Variants in NUP188 observed in about 807,000 individuals in gnomAD.
The protein encoded by NUP188 is nucleoporin 188.
A neutral mutation model predicts 223.0 loss-of-function variants in NUP188; 97 were observed. That is an observed-to-expected ratio of 0.43 (90% CI 0.37 to 0.51). The LOEUF (loss-of-function observed/expected upper bound fraction) is 0.51. Ranked by LOEUF, NUP188 falls within the 20% of genes least tolerant of loss-of-function variation. The pLI is 0.00. For missense variants in NUP188, 1,947 were observed against 2,175.6 expected (o/e 0.89, Z 2.09); for synonymous variants, 869 against 828.0 (o/e 1.05, Z -0.85).
rs778355128 is a variant in NUP188, at chr9:128,970,930, T to G, written c.1085T>G (p.Leu362Arg). 3.1e-6 allele frequency: 5 copies of G among 1,613,916 alleles called. No homozygotes were observed. The South Asian group carries it at 4.4e-5, about 14-fold the overall frequency. The change falls in exon 11 of 44, where the codon CTC becomes CGC. Residue 362 changes from leucine to arginine, a missense_variant. Transcript: ENST00000372577. ...LNVFQYLTRL[L>R]QSLASGGNDC... The stretch of plus-strand genomic sequence containing the variant: ...GTGTTTCAGTACTTGACCCGATTGC[T>G]CCAGTCCCTTGCCAGTGGGGGAAAT...
intron 6 of NUP188, 135 bp downstream of exon 6, chr9:128,958,189 C>T: frequency 1.5e-6 from 1 of 649,376 alleles, no homozygotes. Flanking sequence ...AGCATATTAA[C>T]TCATTTATGA....
intron 8 of NUP188, among the ~76,000 whole-genome samples, chr9:128,960,182 G>A (rs1444462252): frequency 6.7e-6 from 1 of 148,626 alleles, no homozygotes; most frequent in East Asian, 2.0e-4. Flanking sequence ...TCCTGCCTCA[G>A]CCTCCCGAGT....
At chr9:128,976,418 C>A (rs774125575) in intron 12 of NUP188, among the ~76,000 whole-genome samples, 32 of 152,110 alleles carry the variant, frequency 2.1e-4, no homozygotes, top group Non-Finnish European at 4.0e-4. Context: ...CTCCTGTAAT[C>A]CCAGCACTTT....
intron 30 of NUP188, among the ~76,000 whole-genome samples, chr9:128,997,887 AT>A (rs112160286): frequency 0.021 from 3,179 of 151,668 alleles, 117 homozygotes; most frequent in African/African-American, 0.073. Context: ...TGCCTGGCTA[AT>A]TTTTGTATTT....
chr9:128,961,589 T>TAGATAGATAGATAG (rs1455020145), intron 8 of NUP188, among the ~76,000 whole-genome samples: 71 of 118,956 alleles, frequency 6.0e-4, no homozygotes, highest in African/African-American at 3.0e-3. Context: ...TATCTATCTA[T>TAGATAGATAGATAG]CTAGATAGAT....
rs758565294 is a variant in NUP188, at chr9:128,973,176, C to T, written c.1130C>T (p.Ala377Val). The change falls in exon 12 of 44, where the codon GCA becomes GTA. Residue 377 changes from alanine to valine, a missense_variant. Coordinates refer to ENST00000372577, the MANE Select transcript of NUP188 (RefSeq NM_015354.3). Reference protein sequence around the residue: ...SGGNDCTTSTACMCVYGLLSF... With the variant: ...SGGNDCTTSTVCMCVYGLLSF... ...TCATTCCAGTGCACCACCAGCACTG[C>T]ATGCATGTGTGTCTATGGACTGCTC... 10 of 1,612,750 alleles carry T rather than the reference C, an allele frequency of 6.2e-6. No homozygotes were observed. The Admixed American group carries it at 1.3e-4, about 22-fold the overall frequency.
chr9:128,959,142 GT>G lies in NUP188; in HGVS notation c.585+10del. 6.3e-7 allele frequency: 1 copy of G among 1,575,560 alleles called. No homozygotes were observed. Among genetic ancestry groups the G allele is most frequent in the Non-Finnish European group, 8.6e-7 (1 of 1,163,170 alleles). On this transcript the variant is annotated intron_variant, in intron 8 of 43. Coordinates refer to ENST00000372577, the MANE Select transcript of NUP188 (RefSeq NM_015354.3). Reference sequence around the variant, plus strand: ...ACACATGGAAATCTCATGGTATGTGGTTACTGTGCTCTCCTGTAACTTTTTT... The same window carrying G: ...ACACATGGAAATCTCATGGTATGTGGTACTGTGCTCTCCTGTAACTTTTTT...
chr9:129,003,046 G>T lies in NUP188; in HGVS notation c.4296+71G>T, dbSNP rs902987234. The T allele has an allele frequency of 2.6e-6, 4 of 1,539,636 alleles. No individual in the cohort carries two copies. In the African/African-American group the frequency reaches 4.1e-5, roughly 16 times the overall value. On this transcript the variant is annotated intron_variant, in intron 37 of 43. Coordinates refer to ENST00000372577, the MANE Select transcript of NUP188 (RefSeq NM_015354.3). ...AAGGTACTGGGCCATTCATGGGGCA[G>T]GTGGGTGTGGAGCCTGGGCCTCAGT...
rs766007889 is a variant in NUP188, at chr9:128,987,671, A to T, written c.2347A>T (p.Ile783Phe). ...ACAGACAGTTATCAATATCATGGGC[A>T]TTGGCGTGGACACCATTGACATGGT... ...AGQTVINIMG[I>F]GVDTIDMVMA... Residue 783 changes from isoleucine to phenylalanine, a missense_variant, in exon 23 of 44, where the codon ATT (isoleucine) becomes TTT (phenylalanine). Physicochemically the swap from Ile to Phe is conservative, Grantham distance 21. This residue lies in a region of NUP188 where 225 missense variants were observed against 319.1 expected (regional missense o/e 0.71). Transcript: ENST00000372577. 2 of 1,613,958 alleles carry T rather than the reference A, an allele frequency of 1.2e-6. No homozygotes were observed. Among genetic ancestry groups the T allele is most frequent in the Non-Finnish European group, 1.7e-6 (2 of 1,179,990 alleles).
chr9:128,955,094 G>A (rs537461318), intron 3 of NUP188, among the ~76,000 whole-genome samples: 19 of 151,502 alleles, frequency 1.3e-4, no homozygotes, highest in Admixed American at 7.9e-4. Flanking sequence ...CAGGTGATCC[G>A]CCCGCCTCAG....
At chr9:129,003,604 T>A in intron 38 of NUP188, 150 bp downstream of exon 38, 1 of 906,774 alleles carries the variant, frequency 1.1e-6, no homozygotes, top group Non-Finnish European at 1.8e-6. Flanking sequence ...TGTCATGTGC[T>A]TACTCTGGCT....
intron 17 of NUP188, 83 bp downstream of exon 17, chr9:128,983,111 AC>A (rs1842280887): frequency 1.3e-6 from 2 of 1,563,032 alleles, no homozygotes; most frequent in South Asian, 1.1e-5. Context: ...CTGGACACAT[AC>A]CCACTGGGTT....
intron 2 of NUP188, among the ~76,000 whole-genome samples, chr9:128,950,695 A>G (rs1383933386): frequency 1.3e-5 from 2 of 152,138 alleles, no homozygotes; most frequent in Non-Finnish European, 2.9e-5. Flanking sequence ...TTTTTAAAAA[A>G]TTAGCCAGGC....
intron 8 of NUP188, among the ~76,000 whole-genome samples, chr9:128,959,433 C>T (rs568882179): frequency 1.3e-5 from 2 of 151,844 alleles, no homozygotes; most frequent in Non-Finnish European, 2.9e-5. Context: ...TGAGCGACTA[C>T]ACCTGGCCTA....
At chr9:128,960,853 G>C (rs1367142166) in intron 8 of NUP188, among the ~76,000 whole-genome samples, 2 of 152,142 alleles carry the variant, frequency 1.3e-5, no homozygotes, top group Non-Finnish European at 2.9e-5. Context: ...GGGAGGCCAA[G>C]GTGGGCGGAT....
rs572116538 is a variant in NUP188, at chr9:129,002,798, T to C, written c.4138-19T>C. 3.9e-5 allele frequency: 63 copies of C among 1,611,846 alleles called. No homozygotes were observed. The highest frequency in any genetic ancestry group is 1.2e-4 in the Admixed American group (7 of 59,744). The stretch of plus-strand genomic sequence containing the variant: ...CCTCTCAGCAGGGTTCCTGAGCTTG[T>C]CTGCTGTTTGTATCTTAGACACCTA... On this transcript the variant is annotated intron_variant, in intron 36 of 43. Transcript: ENST00000372577.
At position 128,960,596 on chromosome 9, in the gene NUP188, T is replaced by C. The variant is rs1439725298; in HGVS notation, c.585+1462T>C. On this transcript the variant is annotated intron_variant, in intron 8 of 43. Coordinates refer to ENST00000372577, the MANE Select transcript of NUP188 (RefSeq NM_015354.3). The stretch of plus-strand genomic sequence containing the variant: ...AGCATAAAATTCCCAGGAATAAGTT[T>C]AGGACAATATAAAATTTAAGTGAAG... Among the ~76,000 whole-genome samples the C allele has an allele frequency of 2.6e-5, 4 of 152,256 alleles. No homozygotes were observed. The East Asian group carries it at 7.7e-4, about 29-fold the overall frequency.
intron 8 of NUP188, among the ~76,000 whole-genome samples, chr9:128,961,107 T>TA (rs1422922061): frequency 2.3e-5 from 2 of 88,010 alleles, no homozygotes; most frequent in Non-Finnish European, 4.8e-5. Flanking sequence ...AAAAAAACCA[T>TA]AAAAAATGAA....
In NUP188 at chr9:128,986,657, C is replaced by T. The variant is rs1413814454; in HGVS notation, c.2176C>T (p.His726Tyr). ...CTACCATAAGTGGCGCTACAACTCTCATGGAGTGAGGGAACAGATTGGTAA... is the reference window on the plus strand; with the variant it reads ...CTACCATAAGTGGCGCTACAACTCTTATGGAGTGAGGGAACAGATTGGTAA... ...PSYHKWRYNS[H>Y]GVREQIGCLI... Residue 726 changes from histidine (H) to tyrosine (Y), a missense_variant, in exon 21 of 44, where the codon CAT becomes TAT. Coordinates refer to ENST00000372577, the MANE Select transcript of NUP188 (RefSeq NM_015354.3). 6.2e-7 allele frequency: 1 copy of T among 1,614,198 alleles called. No individual in the cohort carries two copies.
Sources: gnomAD v4.1 joint callset for allele counts (sites outside exome capture counted in the v4.1 genomes callset) on GRCh38, gnomAD v4.1.1 for gene constraint, gnomAD v4.1.1 regional missense constraint, MANE v1.5 for transcripts, NCBI Gene and HGNC (gene_info 2026-07-23, HGNC 2026-07-21) for gene names.